Variants in RSF1 observed in about 807,000 individuals in gnomAD.
The protein encoded by RSF1 is HBV pX-associated protein 8.
A neutral mutation model predicts 145.2 loss-of-function variants in RSF1; 13 were observed. The ratio of observed to expected loss-of-function variants is 0.09; its 90% CI spans 0.06 to 0.14. The LOEUF (loss-of-function observed/expected upper bound fraction) is 0.14. Among genes scored for constraint, RSF1 ranks in the 10% least tolerant of loss-of-function variants. RSF1 has a pLI of 1.00. For missense variants in RSF1, 1,517 were observed against 1,718.2 expected (o/e 0.88, Z 2.07); for synonymous variants, 577 against 592.6 (o/e 0.97, Z 0.38).
At chr11:77,746,920 T>C (rs573783596) in intron 3 of RSF1, 116 bp downstream of exon 3, 27 of 603,992 alleles carry the variant, frequency 4.5e-5, no homozygotes, top group African/African-American at 1.9e-4. Flanking sequence ...ATAGACTCCA[T>C]TGTCCTCTTC....
At chr11:77,841,105 A>G in the RSF1 span, 1 of 676,102 alleles carries the variant, frequency 1.5e-6, no homozygotes, top group Non-Finnish European at 2.7e-6. Flanking sequence ...AAGTCATCAC[A>G]TGGTGGAAGC....
intron 4 of RSF1, among the ~76,000 whole-genome samples, chr11:77,728,221 T>C (rs988853391): frequency 2.0e-5 from 3 of 152,188 alleles, no homozygotes; most frequent in Non-Finnish European, 4.4e-5. Context: ...CTGGAATGTG[T>C]TCCCCATGGC....
At chr11:77,841,377 T>G in the RSF1 span, 1 of 596,408 alleles carries the variant, frequency 1.7e-6, no homozygotes, top group Non-Finnish European at 3.0e-6. Flanking sequence ...AGTTTTTTCC[T>G]TGATTTTATT....
chr11:77,835,953 TGGC>T, the RSF1 span, among the ~76,000 whole-genome samples: 18 of 151,988 alleles, frequency 1.2e-4, no homozygotes, highest in Non-Finnish European at 2.4e-4. Context: ...TGGAGTAGAA[TGGC>T]AAAGTGAATT....
chr11:77,847,795 G>A, the RSF1 span, among the ~76,000 whole-genome samples: 4 of 152,130 alleles, frequency 2.6e-5, no homozygotes, highest in Admixed American at 2.6e-4. Flanking sequence ...ACTAGTAGGA[G>A]ATACATATAT....
chr11:77,871,971 C>A, the RSF1 span, among the ~76,000 whole-genome samples: 1 of 152,176 alleles, frequency 6.6e-6, no homozygotes, highest in Admixed American at 6.5e-5. Flanking sequence ...GAGCTTTATG[C>A]ATGGGTATTA....
chr11:77,699,627 G>A (rs1960364986), intron 6 of RSF1, among the ~76,000 whole-genome samples: 1 of 152,120 alleles, frequency 6.6e-6, no homozygotes, highest in African/African-American at 2.4e-5. Context: ...AGTAAAATGG[G>A]GAAAACAGGC....
At chr11:77,749,892 G>A (rs1948042976) in intron 2 of RSF1, among the ~76,000 whole-genome samples, 3 of 152,070 alleles carry the variant, frequency 2.0e-5, no homozygotes, top group African/African-American at 7.2e-5. Flanking sequence ...GAGACTACAG[G>A]CGCCCACCAC....
At position 77,820,516 on chromosome 11, in the gene RSF1, C is replaced by G. The variant is rs1245193502; in HGVS notation, c.187+12G>C. 2 of 1,546,924 alleles carry G rather than the reference C, an allele frequency of 1.3e-6. No individual in the cohort carries two copies. Among genetic ancestry groups the G allele is most frequent in the Non-Finnish European group, 1.7e-6 (2 of 1,146,228 alleles). On this transcript the variant is annotated intron_variant, in intron 1 of 15. Coordinates refer to ENST00000308488, the MANE Select transcript of RSF1 (RefSeq NM_016578.4). The stretch of plus-strand genomic sequence containing the variant: ...GGCCGCTTCCCGCCGGGCGTTCGGG[C>G]CCCTCGCTTACCTTCTCCGTTGCCG...
At chr11:77,766,999 A>G (rs530436917) in intron 1 of RSF1, among the ~76,000 whole-genome samples, 2 of 152,182 alleles carry the variant, frequency 1.3e-5, no homozygotes, top group Admixed American at 6.5e-5. Context: ...AAACTTAGTG[A>G]TTTACTGGTT....
the RSF1 span, among the ~76,000 whole-genome samples, chr11:77,863,863 C>T: frequency 2.0e-5 from 3 of 151,988 alleles, no homozygotes; most frequent in Non-Finnish European, 2.9e-5. Flanking sequence ...AATCTTATTA[C>T]GGGATTAAAA....
the RSF1 span, chr11:77,855,493 C>CTT: frequency 4.2e-5 from 8 of 191,934 alleles, no homozygotes; most frequent in South Asian, 7.9e-5. Flanking sequence ...GTAACTTTTT[C>CTT]TTTTTTTTTG....
chr11:77,785,880 C>T (rs1948449944), intron 1 of RSF1, among the ~76,000 whole-genome samples: 1 of 129,514 alleles, frequency 7.7e-6, no homozygotes, highest in South Asian at 2.5e-4. Context: ...GAGCCGAGAT[C>T]GCGCCACTGC....
At chr11:77,740,991 A>T in intron 3 of RSF1, 55 bp from the exon 4 acceptor site, 1 of 1,266,740 alleles carries the variant, frequency 7.9e-7, no homozygotes, top group South Asian at 1.2e-5. Flanking sequence ...TCTCCATCAC[A>T]GTAAATATGA....
chr11:77,756,863 TA>T (rs1024136722), intron 2 of RSF1, among the ~76,000 whole-genome samples: 9 of 152,154 alleles, frequency 5.9e-5, no homozygotes, highest in African/African-American at 2.2e-4. Context: ...AAAGATGGAT[TA>T]AAAGACAGTC....
rs753497749 is a variant in RSF1 at position 77,700,980 on chromosome 11, G to A, written c.2249C>T (p.Pro750Leu). 4 of 1,613,436 alleles carry A rather than the reference G, an allele frequency of 2.5e-6. No individual in the cohort carries two copies. The highest frequency in any genetic ancestry group is 1.1e-5 in the South Asian group (1 of 91,056). Reference sequence around the variant, plus strand: ...CTTGTTTTCTGGTTCTAGAACTTTGGGGGGAGAATCGGGCTTCTTTTTCCG... The same window carrying A: ...CTTGTTTTCTGGTTCTAGAACTTTGAGGGGAGAATCGGGCTTCTTTTTCCG... ...SSRKKKPDSP[P>L]KVLEPENKQE... is the part of the protein sequence containing the mutation. Residue 750 changes from proline (P) to leucine (L), a missense_variant, in exon 6 of 16, where the codon CCC becomes CTC. By Grantham distance (98) the Pro-to-Leu change is moderately conservative. Around this residue, in one of 12 missense-constraint regions of RSF1, gnomAD observed 579 missense variants for 553.5 expected, o/e 1.05. Coordinates refer to ENST00000308488, the MANE Select transcript of RSF1 (RefSeq NM_016578.4).
chr11:77,781,455 G>C (rs769176778), intron 1 of RSF1, among the ~76,000 whole-genome samples: 2 of 152,176 alleles, frequency 1.3e-5, no homozygotes, highest in Non-Finnish European at 2.9e-5. Flanking sequence ...GCAAGTCTTT[G>C]TATAGACATA....
intron 1 of RSF1, among the ~76,000 whole-genome samples, chr11:77,792,559 A>G (rs1403287569): frequency 6.6e-6 from 1 of 152,180 alleles, no homozygotes; most frequent in Non-Finnish European, 1.5e-5. Context: ...GTCCCCAGGA[A>G]CACTTCACCA....
chr11:77,751,377 A>C (rs185494520), intron 2 of RSF1, among the ~76,000 whole-genome samples: 7 of 152,320 alleles, frequency 4.6e-5, no homozygotes, highest in Admixed American at 3.9e-4. Flanking sequence ...GGAAAAACCC[A>C]AGGCTCTCAA....
Sources: gnomAD v4.1 joint callset for allele counts (sites outside exome capture counted in the v4.1 genomes callset) on GRCh38, gnomAD v4.1.1 for gene constraint, gnomAD v4.1.1 regional missense constraint, MANE v1.5 for transcripts, NCBI Gene and HGNC (gene_info 2026-07-23, HGNC 2026-07-21) for gene names.